The following ATP11C variants were observed in gnomAD, a reference collection of about 807,000 sequenced individuals.
The protein encoded by ATP11C is ATPase phospholipid transporting 11C (ATP11C blood group), also known as phospholipid-transporting ATPase IG.
In ATP11C, 36 loss-of-function variants were observed where a neutral mutation model predicts 97.4. That is an observed-to-expected ratio of 0.37 (90% CI 0.28 to 0.49). ATP11C has a LOEUF of 0.49. Ranked by LOEUF, ATP11C falls within the 20% of genes least tolerant of loss-of-function variation. The pLI is 0.98. For missense variants in ATP11C, 730 were observed against 824.6 expected (o/e 0.89, Z 1.40); for synonymous variants, 275 against 290.9 (o/e 0.95, Z 0.56).
rs766315080 is a variant in ATP11C at position 139,896,727 on chromosome X, G to A, written c.27+35289C>T. 1.0e-4 allele frequency among the ~76,000 whole-genome samples: 11 copies of A among 107,792 alleles called. No homozygotes were observed. The South Asian group carries it at 1.7e-3, about 17-fold the overall frequency. 93.6% of individuals were successfully genotyped at this position (107,792 alleles called of 115,157 possible). A position where few individuals can be genotyped will look rare whatever the true frequency, so the allele number is the denominator to read the frequency against. ...GCCTCTTGGGTTCAGCGATTTTCAAGTCTCAGCCTCCTGGGTAGTCCCAAG... is the reference window on the plus strand; with the variant it reads ...GCCTCTTGGGTTCAGCGATTTTCAAATCTCAGCCTCCTGGGTAGTCCCAAG... On this transcript the variant is annotated intron_variant, in intron 1 of 29. Coordinates refer to ENST00000682941, the MANE Select transcript of ATP11C (RefSeq NM_001353812.2).
intron 1 of ATP11C, among the ~76,000 whole-genome samples, chrX:139,881,303 G>A (rs917613098): frequency 1.8e-5 from 2 of 111,425 alleles, no homozygotes; most frequent in Non-Finnish European, 3.8e-5. Context: ...TTGGGCCTGG[G>A]CTAAAAGGAG....
At chrX:139,836,825 ATTG>A (rs1465253203) in intron 1 of ATP11C, among the ~76,000 whole-genome samples, 1 of 111,701 alleles carries the variant, frequency 9.0e-6, no homozygotes, top group Admixed American at 9.5e-5. Context: ...CCCTAGGGAA[ATTG>A]TTTACTCCTC....
intron 29 of ATP11C, among the ~76,000 whole-genome samples, chrX:139,729,194 G>A (rs1231493355): frequency 9.0e-6 from 1 of 111,254 alleles, no homozygotes; most frequent in African/African-American, 3.3e-5. Flanking sequence ...TTTTGCTTTT[G>A]GATTGTTCCA....
chrX:139,861,216 G>A (rs746847665), intron 1 of ATP11C, among the ~76,000 whole-genome samples: 37 of 112,073 alleles, frequency 3.3e-4, no homozygotes, highest in Non-Finnish European at 4.7e-4. Context: ...TATGAGTCAC[G>A]TGAGAAAGAT....
At chrX:139,794,835 T>C (rs1229571487) in intron 12 of ATP11C, among the ~76,000 whole-genome samples, 1 of 111,741 alleles carries the variant, frequency 8.9e-6, no homozygotes, top group Admixed American at 9.5e-5. Flanking sequence ...ATTCTATTTG[T>C]AATAGTAGTT....
intron 19 of ATP11C, among the ~76,000 whole-genome samples, chrX:139,770,430 A>C (rs1221484648): frequency 8.9e-6 from 1 of 112,296 alleles, no homozygotes; most frequent in Non-Finnish European, 1.9e-5. Flanking sequence ...AAGCAGGTTG[A>C]AAAGGTCACT....
At chrX:139,856,042 G>C (rs2084084839) in intron 1 of ATP11C, among the ~76,000 whole-genome samples, 1 of 112,498 alleles carries the variant, frequency 8.9e-6, no homozygotes, top group African/African-American at 3.2e-5. Context: ...AATTAAGACA[G>C]GATACCAAGA....
upstream of ATP11C, chrX:139,933,136 C>T (rs2085472281): frequency 9.0e-6 from 1 of 111,252 alleles, no homozygotes; most frequent in Non-Finnish European, 1.9e-5. Context: ...CCTCCCCCTC[C>T]TTGCTCCCGG....
chrX:139,756,983 A>C (rs1215453938), intron 23 of ATP11C, among the ~76,000 whole-genome samples: 4 of 107,845 alleles, frequency 3.7e-5, no homozygotes, highest in Non-Finnish European at 5.7e-5. Flanking sequence ...AAAAAAAAAA[A>C]AAAAAAAAAC....
chrX:139,860,100 G>A (rs1190088873), intron 1 of ATP11C, among the ~76,000 whole-genome samples: 1 of 50,938 alleles, frequency 2.0e-5, no homozygotes, highest in Non-Finnish European at 2.6e-5. Context: ...GCGAGACTCC[G>A]TCTCAAAAAA....
intron 2 of ATP11C, among the ~76,000 whole-genome samples, chrX:139,821,210 G>A (rs756447882): frequency 1.8e-5 from 2 of 111,980 alleles, no homozygotes; most frequent in South Asian, 7.5e-4. Flanking sequence ...GTTCTACCCT[G>A]GAGTCCAAGA....
chrX:139,737,747 C>T (rs771370271), intron 28 of ATP11C, 169 bp downstream of exon 28: 13 of 574,324 alleles, frequency 2.3e-5, no homozygotes, highest in South Asian at 4.8e-5. Context: ...CATTGGATAA[C>T]GAAGTTTTTA....
upstream of ATP11C, among the ~76,000 whole-genome samples, chrX:139,934,788 A>G (rs1032284105): frequency 3.6e-5 from 4 of 110,677 alleles, no homozygotes; most frequent in Middle Eastern, 4.2e-3. Context: ...ACCTCAGGTG[A>G]TCCACCCGCC....
chrX:139,823,082 C>G (rs866227184), intron 2 of ATP11C, among the ~76,000 whole-genome samples: 1 of 110,010 alleles, frequency 9.1e-6, no homozygotes, highest in Non-Finnish European at 1.9e-5. Flanking sequence ...GCCAGGCGGG[C>G]GCCTGTAATC....
Position 139,743,585 on chromosome X carries a change from C to T in ATP11C, c.3004G>A (p.Val1002Ile). Reference protein sequence around the residue: ...NWTFGTIVFTVLVFTVTLKLA... With the variant: ...NWTFGTIVFTILVFTVTLKLA... ...TTCAGGGTTACAGTGAATACTAAGA[C>T]TGTAAAAACAATGGTTCCAAAAGTC... Residue 1002 changes from valine (V) to isoleucine (I), a missense_variant, in exon 26 of 30, where the codon GTC becomes ATC. Val to Ile is a conservative substitution (Grantham distance 29, BLOSUM62 3). Coordinates refer to ENST00000682941, the MANE Select transcript of ATP11C (RefSeq NM_001353812.2). 1 of 1,176,902 alleles carries T rather than the reference C, an allele frequency of 8.5e-7. No individual in the cohort carries two copies. The highest frequency in any genetic ancestry group is 1.1e-6 in the Non-Finnish European group (1 of 873,315).
chrX:139,756,896 A>G (rs2081945694), intron 23 of ATP11C, among the ~76,000 whole-genome samples: 1 of 106,951 alleles, frequency 9.4e-6, no homozygotes, highest in Non-Finnish European at 1.9e-5. Flanking sequence ...GTGACAAAAT[A>G]AACTGAACAC....
At chrX:139,922,881 T>C (rs960149854) in intron 1 of ATP11C, among the ~76,000 whole-genome samples, 2 of 111,699 alleles carry the variant, frequency 1.8e-5, no homozygotes, top group African/African-American at 6.5e-5. Context: ...TCCACCTCCC[T>C]GGCTCAAGCA....
rs2085459766 is a variant in ATP11C, at chrX:139,932,594, CT to C, written c.-553del. On this transcript the variant is annotated 5_prime_UTR_variant, in exon 1 of 30. Transcript: ENST00000682941. ...CTCGCCTCAGCCCGACACTACTCCC[CT>C]GTCTCTGTCGGGAGCCACAGCCTCC... 1 of 111,826 alleles carries C rather than the reference CT, an allele frequency of 8.9e-6. No individual in the cohort carries two copies. Among genetic ancestry groups the C allele is most frequent in the Admixed American group, 9.3e-5 (1 of 10,763 alleles). 9.2% of individuals were successfully genotyped at this position (111,826 alleles called of 1,213,427 possible).
At chrX:139,875,818 G>T (rs1241884751) in intron 1 of ATP11C, among the ~76,000 whole-genome samples, 2 of 111,467 alleles carry the variant, frequency 1.8e-5, no homozygotes, top group African/African-American at 6.5e-5. Flanking sequence ...TATAAATAAG[G>T]GAACTGAGGT....
Sources: gnomAD v4.1 joint callset for allele counts (sites outside exome capture counted in the v4.1 genomes callset) on GRCh38, gnomAD v4.1.1 for gene constraint, MANE v1.5 for transcripts, NCBI Gene and HGNC (gene_info 2026-07-23, HGNC 2026-07-21) for gene names.